GRIA1: variants seen among roughly 807,000 people sequenced by gnomAD.
GRIA1 encodes glutamate ionotropic receptor AMPA type subunit 1.
Under a neutral mutation model 99.2 loss-of-function variants are expected in GRIA1, and 31 were observed. That is an observed-to-expected ratio of 0.31 (90% CI 0.23 to 0.42). The LOEUF (loss-of-function observed/expected upper bound fraction) is 0.42, where lower values mean the gene tolerates loss of function less well. Ranked by LOEUF, GRIA1 falls within the 10% of genes least tolerant of loss-of-function variation. The pLI, the probability that GRIA1 is intolerant of heterozygous loss-of-function variation, is 1.00. For synonymous variants in GRIA1, 438 were observed against 432.4 expected, an observed-to-expected ratio of 1.01 and a Z score of -0.16; for missense variants, 782 against 1,157.5, an observed-to-expected ratio of 0.68 and a Z score of 4.71.
chr5:153,760,430 C>T (rs1257170885), intron 11 of GRIA1, among the ~76,000 whole-genome samples: 1 of 151,894 alleles, frequency 6.6e-6, no homozygotes. Flanking sequence ...ATTCCATTTA[C>T]ATAGCTCCAA....
At chr5:153,609,126 A>C (rs1396106407) in intron 2 of GRIA1, among the ~76,000 whole-genome samples, 1 of 152,174 alleles carries the variant, frequency 6.6e-6, no homozygotes. Context: ...ATTTCTGGCA[A>C]GCTCTTAAAT....
chr5:153,800,557 G>A (rs1244470375), intron 14 of GRIA1, among the ~76,000 whole-genome samples: 1 of 152,174 alleles, frequency 6.6e-6, no homozygotes, highest in East Asian at 1.9e-4. Flanking sequence ...TGCTTCCAAA[G>A]CCAGGCTATG....
chr5:153,684,456 G>A (rs1757205192), intron 7 of GRIA1, among the ~76,000 whole-genome samples: 1 of 152,158 alleles, frequency 6.6e-6, no homozygotes, highest in Non-Finnish European at 1.5e-5. Context: ...TATGTACTCT[G>A]CCATACTAAT....
At chr5:153,658,213 A>G (rs1425011004) in intron 5 of GRIA1, among the ~76,000 whole-genome samples, 1 of 152,154 alleles carries the variant, frequency 6.6e-6, no homozygotes, top group Non-Finnish European at 1.5e-5. Flanking sequence ...AGAACAATAC[A>G]TAGAACAAGA....
intron 2 of GRIA1, among the ~76,000 whole-genome samples, chr5:153,639,280 C>A (rs1753615618): frequency 6.6e-6 from 1 of 152,202 alleles, no homozygotes; most frequent in Admixed American, 6.5e-5. Flanking sequence ...CCATGCCACA[C>A]ATGAAGTGCC....
chr5:153,704,202 A>G (rs951047943), intron 10 of GRIA1, among the ~76,000 whole-genome samples: 3 of 152,252 alleles, frequency 2.0e-5, no homozygotes, highest in African/African-American at 7.2e-5. Flanking sequence ...GCAACAGCCA[A>G]CTGGTGGGTG....
intron 2 of GRIA1, among the ~76,000 whole-genome samples, chr5:153,619,596 A>G (rs1307551655): frequency 6.6e-6 from 1 of 152,172 alleles, no homozygotes; most frequent in African/African-American, 2.4e-5. Flanking sequence ...TGGAAGGCTT[A>G]TAAAGGCAGC....
intron 4 of GRIA1, among the ~76,000 whole-genome samples, chr5:153,652,085 T>C (rs1288042701): frequency 6.6e-6 from 1 of 152,118 alleles, no homozygotes; most frequent in Non-Finnish European, 1.5e-5. Flanking sequence ...CCACAGTAAG[T>C]GGTACAAGCA....
intron 2 of GRIA1, among the ~76,000 whole-genome samples, chr5:153,628,860 G>A (rs1316557752): frequency 6.6e-6 from 1 of 152,168 alleles, no homozygotes. Flanking sequence ...AGTAGTGAGT[G>A]CAGAAGGACA....
At chr5:153,588,714 G>A (rs1421661048) in intron 2 of GRIA1, among the ~76,000 whole-genome samples, 1 of 152,032 alleles carries the variant, frequency 6.6e-6, no homozygotes, top group Non-Finnish European at 1.5e-5. Context: ...TGTACTGAAA[G>A]TAATGATTAA....
intron 2 of GRIA1, among the ~76,000 whole-genome samples, chr5:153,534,118 C>A (rs1241516421): frequency 2.6e-5 from 4 of 152,188 alleles, no homozygotes; most frequent in Non-Finnish European, 4.4e-5. Flanking sequence ...GTCACCTAAC[C>A]TAGAAATAGT....
chr5:153,546,560 T>C (rs1359362541), intron 2 of GRIA1, among the ~76,000 whole-genome samples: 1 of 152,126 alleles, frequency 6.6e-6, no homozygotes, highest in African/African-American at 2.4e-5. Flanking sequence ...TCCACAAGCA[T>C]CATCTCAAGT....
At chr5:153,606,968 T>C (rs1419720197) in intron 2 of GRIA1, among the ~76,000 whole-genome samples, 1 of 150,164 alleles carries the variant, frequency 6.7e-6, no homozygotes, top group Non-Finnish European at 1.5e-5. Flanking sequence ...CAGGTTATGC[T>C]GACCTCAGGA....
intron 2 of GRIA1, among the ~76,000 whole-genome samples, chr5:153,600,340 C>A (rs549109295): frequency 1.1e-4 from 14 of 131,454 alleles, no homozygotes; most frequent in Admixed American, 8.6e-4. Flanking sequence ...TGCAGTGAGC[C>A]GAGATCGCGC....
intron 2 of GRIA1, among the ~76,000 whole-genome samples, chr5:153,614,963 G>A (rs9784658): frequency 0.22 from 33,624 of 152,092 alleles, 4,285 homozygotes; most frequent in Non-Finnish European, 0.29. Context: ...GAAACATCAA[G>A]TGGGTTTACA....
chr5:153,543,950 G>T (rs1013922882), intron 2 of GRIA1, among the ~76,000 whole-genome samples: 5 of 151,968 alleles, frequency 3.3e-5, no homozygotes, highest in Admixed American at 3.3e-4. Context: ...AAAGCATGGA[G>T]GGGGTGAGGG....
intron 5 of GRIA1, among the ~76,000 whole-genome samples, chr5:153,673,511 G>A (rs1458980517): frequency 6.6e-6 from 1 of 152,196 alleles, no homozygotes; most frequent in Admixed American, 6.5e-5. Flanking sequence ...TTTCAAAAAT[G>A]TTTGTTGAAA....
intron 2 of GRIA1, among the ~76,000 whole-genome samples, chr5:153,586,139 T>A (rs1480108839): frequency 6.6e-6 from 1 of 152,210 alleles, no homozygotes; most frequent in Non-Finnish European, 1.5e-5. Flanking sequence ...TCTGACATAC[T>A]TCTTGTTGTC....
intron 2 of GRIA1, among the ~76,000 whole-genome samples, chr5:153,567,710 T>C (rs1761773211): frequency 6.6e-6 from 1 of 152,146 alleles, no homozygotes; most frequent in Non-Finnish European, 1.5e-5. Context: ...TGGGAAGCAG[T>C]GGAGCAAAAG....
Sources: allele counts gnomAD v4.1 joint callset (sites outside exome capture counted in the v4.1 genomes callset), GRCh38; gene constraint gnomAD v4.1.1; transcripts MANE v1.5; gene names NCBI Gene and HGNC (gene_info 2026-07-23, HGNC 2026-07-21).